The following AGBL1 variants were observed in gnomAD, a reference collection of about 807,000 sequenced individuals.
AGBL1 encodes the protein AGBL carboxypeptidase 1, also known as cytosolic carboxypeptidase 4.
A neutral mutation model predicts 118.9 loss-of-function variants in AGBL1; 130 were observed. The observed-to-expected ratio is 1.09, with a 90% CI of 0.95 to 1.26. AGBL1 has a LOEUF of 1.26. AGBL1 is among the 50% of genes most tolerant of loss of function. The probability of loss-of-function intolerance (pLI) is 0.00; values close to 1 mark genes in which losing one functional copy is unlikely to be tolerated. For synonymous variants in AGBL1, 555 were observed against 478.9 expected (o/e 1.16, Z -2.08); for missense variants, 1,584 against 1,298.1 (o/e 1.22, Z -3.38).
At chr15:86,985,541 T>C (rs1437872418) in intron 23 of AGBL1, among the ~76,000 whole-genome samples, 1 of 152,226 alleles carries the variant, frequency 6.6e-6, no homozygotes. Context: ...ACTTCTTTGG[T>C]GATGTGTCAA....
At position 86,173,927 on chromosome 15, in the gene AGBL1, G is replaced by A. The variant is rs2077448243; in HGVS notation, c.488+14901G>A. 2.6e-5 allele frequency among the ~76,000 whole-genome samples: 4 copies of A among 152,110 alleles called. No individual in the cohort carries two copies. The South Asian group carries it at 8.3e-4, about 32-fold the overall frequency. On this transcript the variant is annotated intron_variant, in intron 5 of 22. Coordinates refer to ENST00000614907, the MANE Select transcript of AGBL1 (RefSeq NM_001386094.1). ...CTTAGGATTGCTTCGGCTATTTTGG[G>A]TGTTTTGTGGTTTCATATGAATTTT... is the stretch of plus-strand genomic sequence containing the variant.
At chr15:86,767,997 A>T (rs2078120483) in intron 22 of AGBL1, among the ~76,000 whole-genome samples, 1 of 152,020 alleles carries the variant, frequency 6.6e-6, no homozygotes, top group South Asian at 2.1e-4. Flanking sequence ...CAGAGATGAA[A>T]AAAGGGCCTT....
rs778058268 is a variant in AGBL1, at chr15:86,806,534, G to A, written c.3159-100553G>A. ...TGTGGTAGTTCAAGACAAGGACTTC[G>A]GAGGAACTGGCTGTGTCCAAATTCT... On this transcript the variant is annotated intron_variant, in intron 22 of 22. Transcript: ENST00000614907. Among the ~76,000 whole-genome samples the A allele has an allele frequency of 4.7e-4, 72 of 152,210 alleles. No homozygotes were observed. In the Middle Eastern group the frequency reaches 0.01, roughly 22 times the overall value.
At chr15:86,413,062 TC>T (rs1402131159) in intron 18 of AGBL1, among the ~76,000 whole-genome samples, 1 of 152,192 alleles carries the variant, frequency 6.6e-6, no homozygotes, top group Non-Finnish European at 1.5e-5. Context: ...TGATTCTAGA[TC>T]CTGCCCACTA....
At chr15:86,428,767 T>C (rs566041053) in intron 18 of AGBL1, among the ~76,000 whole-genome samples, 310 of 152,332 alleles carry the variant, frequency 2.0e-3, no homozygotes, top group Non-Finnish European at 3.2e-3. Context: ...CTTCCTGGAA[T>C]AAATTAGGAA....
intron 1 of AGBL1, among the ~76,000 whole-genome samples, chr15:86,097,407 C>T (rs902639665): frequency 2.6e-5 from 4 of 152,046 alleles, no homozygotes; most frequent in African/African-American, 9.7e-5. Flanking sequence ...AACACTAGAA[C>T]TTATTTTTCT....
chr15:86,968,087 G>A (rs1476268376), intron 23 of AGBL1, among the ~76,000 whole-genome samples: 1 of 151,896 alleles, frequency 6.6e-6, no homozygotes, highest in African/African-American at 2.4e-5. Context: ...ATGTTGCAGA[G>A]TGGGGCTAGT....
At position 87,017,012 on chromosome 15, in the gene AGBL1, A is replaced by G. The variant is rs937530357; in HGVS notation, c.3324-11813A>G. ...CTGTCCCTACATCCCCTAAGAGGGG[A>G]GCTAAATCCAGGGAGCTGAGCAGCA... On this transcript the variant is annotated intron_variant, in intron 24 of 24. Transcript: ENST00000441037. Among the ~76,000 whole-genome samples the G allele has an allele frequency of 2.1e-4, 32 of 152,134 alleles. 1 individual carries two copies. Among genetic ancestry groups the G allele is most frequent in the Admixed American group, 1.6e-3 (24 of 15,280 alleles).
rs2083380406 is a variant in AGBL1, at chr15:86,533,604, A to G, written c.2685+10665A>G. ...AAATACCATTGGACCCAGCCATCCC[A>G]TTACTGGGTATATACCCAAATGACT... On this transcript the variant is annotated intron_variant, in intron 19 of 22. Transcript: ENST00000614907. Among the ~76,000 whole-genome samples the G allele has an allele frequency of 2.2e-5, 3 of 139,172 alleles. No individual in the cohort carries two copies. In the South Asian group the frequency reaches 7.3e-4, roughly 34 times the overall value. 91.3% of individuals were successfully genotyped at this position (139,172 alleles called of 152,430 possible).
At chr15:86,530,834 C>T (rs1169286220) in intron 19 of AGBL1, among the ~76,000 whole-genome samples, 2 of 117,216 alleles carry the variant, frequency 1.7e-5, no homozygotes, top group South Asian at 6.6e-4. Context: ...TACATGGAAA[C>T]TGAACAACCT....
chr15:86,554,313 C>A (rs1456065617), intron 20 of AGBL1, 48 bp from the exon 21 acceptor site: 2 of 1,415,254 alleles, frequency 1.4e-6, no homozygotes, highest in East Asian at 2.6e-5. Context: ...GATGACTATC[C>A]CTAGTCACCC....
chr15:86,849,063 T>C (rs1284450381), intron 22 of AGBL1, among the ~76,000 whole-genome samples: 1 of 152,196 alleles, frequency 6.6e-6, no homozygotes, highest in African/African-American at 2.4e-5. Context: ...TCAGTGTTGA[T>C]TGAATATGCA....
intron 17 of AGBL1, among the ~76,000 whole-genome samples, chr15:86,376,725 G>C (rs1044046707): frequency 1.3e-5 from 2 of 152,192 alleles, no homozygotes; most frequent in African/African-American, 4.8e-5. Context: ...GCTAGGGCTA[G>C]AGCATGGCTC....
intron 22 of AGBL1, among the ~76,000 whole-genome samples, chr15:86,833,925 G>T (rs959437156): frequency 2.6e-5 from 4 of 152,012 alleles, no homozygotes; most frequent in African/African-American, 9.7e-5. Context: ...CCTAATTAAA[G>T]ACCCTCAGTT....
chr15:86,147,282 T>C (rs939401937), intron 3 of AGBL1, among the ~76,000 whole-genome samples: 1 of 152,046 alleles, frequency 6.6e-6, no homozygotes, highest in Non-Finnish European at 1.5e-5. Flanking sequence ...GTGCAGCCCA[T>C]GGAGGGCAAG....
At chr15:86,207,264 T>G (rs1294056566) in intron 5 of AGBL1, among the ~76,000 whole-genome samples, 3 of 152,242 alleles carry the variant, frequency 2.0e-5, no homozygotes. Flanking sequence ...GCTTTGTTCT[T>G]TTTGCTTAGG....
chr15:86,129,868 G>A (rs923661776), intron 1 of AGBL1, among the ~76,000 whole-genome samples: 5 of 152,142 alleles, frequency 3.3e-5, no homozygotes, highest in Admixed American at 2.0e-4. Context: ...AGCGTGTGGG[G>A]TGGACAGAAA....
At chr15:86,931,246 A>G (rs2031737469) in intron 23 of AGBL1, among the ~76,000 whole-genome samples, 1 of 152,312 alleles carries the variant, frequency 6.6e-6, no homozygotes, top group Admixed American at 6.5e-5. Context: ...AGGCCAAACC[A>G]AAGGATAACC....
intron 22 of AGBL1, among the ~76,000 whole-genome samples, chr15:86,835,526 A>G (rs1017172417): frequency 6.6e-6 from 1 of 152,088 alleles, no homozygotes; most frequent in Non-Finnish European, 1.5e-5. Flanking sequence ...ATACCGTAGA[A>G]AAAGCATTCT....
Sources: gnomAD v4.1 joint callset for allele counts (sites outside exome capture counted in the v4.1 genomes callset) on GRCh38, gnomAD v4.1.1 for gene constraint, MANE v1.5 for transcripts, NCBI Gene and HGNC (gene_info 2026-07-23, HGNC 2026-07-21) for gene names.